The following SHTN1 variants were observed in gnomAD, a reference collection of about 807,000 sequenced individuals.
The protein encoded by SHTN1 is shootin-1.
A neutral mutation model predicts 83.1 loss-of-function variants in SHTN1; 42 were observed. The observed-to-expected ratio is 0.51, with a 90% CI of 0.39 to 0.65. SHTN1 has a LOEUF of 0.65. Ranked by LOEUF, SHTN1 falls within the 30% of genes least tolerant of loss-of-function variation. The pLI, the probability that SHTN1 is intolerant of heterozygous loss-of-function variation, is 0.00. For missense variants in SHTN1, 622 were observed against 737.8 expected, an observed-to-expected ratio of 0.84 and a Z score of 1.82; for synonymous variants, 224 against 247.7, an observed-to-expected ratio of 0.90 and a Z score of 0.90.
chr10:116,898,789 G>A (rs1029703725), intron 16 of SHTN1, among the ~76,000 whole-genome samples: 23 of 151,970 alleles, frequency 1.5e-4, no homozygotes, highest in South Asian at 2.1e-4. Flanking sequence ...CTTTGCATAT[G>A]TTGGTGACAG....
intron 1 of SHTN1, among the ~76,000 whole-genome samples, chr10:117,101,777 G>A (rs1195279704): frequency 6.6e-6 from 1 of 152,132 alleles, no homozygotes; most frequent in East Asian, 1.9e-4. Context: ...CTGTATTCCA[G>A]ATACTATACC....
intron 2 of SHTN1, among the ~76,000 whole-genome samples, chr10:117,032,483 C>T (rs1389885841): frequency 6.6e-6 from 1 of 152,146 alleles, no homozygotes; most frequent in Non-Finnish European, 1.5e-5. Context: ...GGATTACAGA[C>T]ATGAGCCACT....
chr10:116,961,290 A>C (rs897399971), intron 3 of SHTN1, among the ~76,000 whole-genome samples: 1 of 152,158 alleles, frequency 6.6e-6, no homozygotes, highest in Non-Finnish European at 1.5e-5. Context: ...TAAATACAAA[A>C]ATGTATTACT....
Position 117,102,879 on chromosome 10 carries a change from C to G in SHTN1, c.-189+23428G>C, listed in dbSNP as rs146420616. Among the ~76,000 whole-genome samples the G allele has an allele frequency of 3.9e-5, 6 of 152,188 alleles. No homozygotes were observed. The East Asian group carries it at 1.2e-3, about 29-fold the overall frequency. ...GAATGGACTCAGCATAACTACTGGC[C>G]CGGCATCTTTACTCTTTCAGTCATT... On this transcript the variant is annotated intron_variant, in intron 1 of 17. Coordinates refer to the SHTN1 transcript ENST00000392901.
rs549507401 is a variant in SHTN1 at position 117,036,552 on chromosome 10, T to C, written c.-123+11893A>G. 1.6e-4 allele frequency among the ~76,000 whole-genome samples: 25 copies of C among 152,318 alleles called. No homozygotes were observed. The South Asian group carries it at 2.5e-3, about 15-fold the overall frequency. Reference sequence around the variant, plus strand: ...TAGGCACAGAAAGACAAACATCACATGCTCTCACTTATTTGTAAATCTAAA... The same window carrying C: ...TAGGCACAGAAAGACAAACATCACACGCTCTCACTTATTTGTAAATCTAAA... On this transcript the variant is annotated intron_variant, in intron 2 of 17. Transcript: ENST00000392901.
At chr10:117,118,353 T>G (rs947331660) in intron 1 of SHTN1, among the ~76,000 whole-genome samples, 3 of 95,304 alleles carry the variant, frequency 3.1e-5, no homozygotes, top group African/African-American at 1.3e-4. Flanking sequence ...CAATGAAATA[T>G]AATCCATTTC....
In SHTN1 at chr10:117,005,125, G is replaced by T. The variant is rs1455936560; in HGVS notation, c.-46C>A. On this transcript the variant is annotated 5_prime_UTR_variant, in exon 1 of 17. Coordinates refer to ENST00000355371, the MANE Select transcript of SHTN1 (RefSeq NM_001127211.3). ...ATAAAAGGGAAAGAGGGAGCGGCGC[G>T]GGGCACACAGGAGGAGGGGGAAGAA... is the stretch of plus-strand genomic sequence containing the variant. The T allele has an allele frequency of 1.9e-6, 3 of 1,565,572 alleles. No homozygotes were observed. Among genetic ancestry groups the T allele is most frequent in the Non-Finnish European group, 2.6e-6 (3 of 1,154,344 alleles).
intron 9 of SHTN1, among the ~76,000 whole-genome samples, chr10:116,935,775 G>A (rs1402469779): frequency 6.6e-6 from 1 of 152,062 alleles, no homozygotes; most frequent in Non-Finnish European, 1.5e-5. Flanking sequence ...GTAGAAATCA[G>A]CTGTGAATCC....
chr10:117,087,014 T>C (rs1245275067), intron 1 of SHTN1, among the ~76,000 whole-genome samples: 1 of 152,214 alleles, frequency 6.6e-6, no homozygotes, highest in Non-Finnish European at 1.5e-5. Flanking sequence ...TGGTCAACTA[T>C]AGTATGATTC....
chr10:117,103,681 T>C (rs1334546231), intron 1 of SHTN1, among the ~76,000 whole-genome samples: 1 of 151,528 alleles, frequency 6.6e-6, no homozygotes, highest in Non-Finnish European at 1.5e-5. Context: ...GGGCTACAGG[T>C]GCCCACCACC....
At chr10:116,894,576 A>G (rs569086316) in intron 16 of SHTN1, among the ~76,000 whole-genome samples, 20 of 152,340 alleles carry the variant, frequency 1.3e-4, no homozygotes, top group African/African-American at 4.8e-4. Flanking sequence ...GAGAATGACC[A>G]AGACGACACA....
chr10:117,111,936 CACA>C (rs1853773499), intron 1 of SHTN1, among the ~76,000 whole-genome samples: 1 of 152,072 alleles, frequency 6.6e-6, no homozygotes, highest in Non-Finnish European at 1.5e-5. Flanking sequence ...AGCCCCCAAG[CACA>C]TACCAGTGTT....
intron 7 of SHTN1, among the ~76,000 whole-genome samples, chr10:116,947,421 T>C (rs1379503731): frequency 6.6e-6 from 1 of 152,162 alleles, no homozygotes; most frequent in Non-Finnish European, 1.5e-5. Flanking sequence ...AAGGACTGGT[T>C]TGCTGCGTAA....
intron 2 of SHTN1, among the ~76,000 whole-genome samples, chr10:117,020,351 T>C (rs61872996): frequency 6.7e-6 from 1 of 150,228 alleles, no homozygotes; most frequent in Non-Finnish European, 1.5e-5. Context: ...AAAAAAAAAT[T>C]AGCCAGGCAT....
Position 117,039,265 on chromosome 10 carries a change from A to G in SHTN1, c.-123+9180T>C, listed in dbSNP as rs1265975833. On this transcript the variant is annotated intron_variant, in intron 2 of 17. Transcript: ENST00000392901. ...AAAAGACTTACTTACTGTAAGTGAC[A>G]TTCTGGAAAAGGCAAAACTAGGGAA... is the stretch of plus-strand genomic sequence containing the variant. 3.3e-5 allele frequency among the ~76,000 whole-genome samples: 5 copies of G among 152,262 alleles called. No homozygotes were observed. In the East Asian group the frequency reaches 9.6e-4, roughly 29 times the overall value.
At chr10:117,003,599 G>A (rs929572298) in intron 1 of SHTN1, among the ~76,000 whole-genome samples, 3 of 151,978 alleles carry the variant, frequency 2.0e-5, no homozygotes, top group African/African-American at 7.3e-5. Flanking sequence ...CAACAGGTAA[G>A]AGTACTGGAC....
intron 2 of SHTN1, among the ~76,000 whole-genome samples, chr10:117,018,499 A>ATT (rs144955533): frequency 3.0e-5 from 2 of 66,824 alleles, no homozygotes; most frequent in Non-Finnish European, 6.9e-5. Flanking sequence ...GTGTATGTGT[A>ATT]TTTTTTTTAA....
intron 9 of SHTN1, 32 bp downstream of exon 9, chr10:116,940,434 T>A: frequency 6.2e-7 from 1 of 1,608,968 alleles, no homozygotes; most frequent in Non-Finnish European, 8.5e-7. Flanking sequence ...TATGTGTGTG[T>A]GTACCTAAGA....
chr10:116,956,948 C>T (rs1850004704), intron 4 of SHTN1, among the ~76,000 whole-genome samples: 1 of 151,988 alleles, frequency 6.6e-6, no homozygotes, highest in Admixed American at 6.6e-5. Flanking sequence ...TGGGTTCTTG[C>T]TCTGTCACCC....
Sources: allele counts gnomAD v4.1 joint callset (sites outside exome capture counted in the v4.1 genomes callset), GRCh38; gene constraint gnomAD v4.1.1; transcripts MANE v1.5; gene names NCBI Gene and HGNC (gene_info 2026-07-23, HGNC 2026-07-21).